Variants in DOCK1 observed in about 807,000 individuals in gnomAD.
The protein encoded by DOCK1 is dedicator of cytokinesis protein 1.
In DOCK1, 138 loss-of-function variants were observed where a neutral mutation model predicts 262.7. The ratio of observed to expected loss-of-function variants is 0.53; its 90% CI spans 0.46 to 0.61. The LOEUF (loss-of-function observed/expected upper bound fraction) is 0.61, where lower values mean the gene tolerates loss of function less well. Ranked by LOEUF, DOCK1 falls within the 20% of genes least tolerant of loss-of-function variation. DOCK1 has a pLI of 0.00. For missense variants in DOCK1, 1,908 were observed against 2,370.7 expected, an observed-to-expected ratio of 0.80 and a Z score of 4.05; for synonymous variants, 866 against 867.4, an observed-to-expected ratio of 1.00 and a Z score of 0.03.
At chr10:127,317,307 TACA>T (rs1276059966) in intron 29 of DOCK1, among the ~76,000 whole-genome samples, 1 of 152,252 alleles carries the variant, frequency 6.6e-6, no homozygotes, top group Non-Finnish European at 1.5e-5. Flanking sequence ...CTTAGTTCAC[TACA>T]ACATTTTACC....
chr10:126,926,691 A>C (rs2033752442), intron 1 of DOCK1, among the ~76,000 whole-genome samples: 1 of 152,158 alleles, frequency 6.6e-6, no homozygotes, highest in Admixed American at 6.5e-5. Flanking sequence ...CCTTGTTAAG[A>C]AGAGGAGGGA....
At chr10:127,386,449 C>T (rs7083036) in intron 38 of DOCK1, among the ~76,000 whole-genome samples, 114,425 of 151,540 alleles carry the variant, frequency 0.76, 43,407 homozygotes, top group African/African-American at 0.84. Flanking sequence ...CCCCATCGCC[C>T]GCATTACCAC....
chr10:126,934,925 A>G (rs2034464831), intron 1 of DOCK1, among the ~76,000 whole-genome samples: 1 of 152,066 alleles, frequency 6.6e-6, no homozygotes. Context: ...CCTGGCTAAC[A>G]CGGTGAAACC....
At chr10:126,968,997 A>T (rs756747725) in intron 1 of DOCK1, among the ~76,000 whole-genome samples, 1 of 152,210 alleles carries the variant, frequency 6.6e-6, no homozygotes, top group Non-Finnish European at 1.5e-5. Flanking sequence ...TTTTGTGCAC[A>T]TGTGGCAATG....
intron 1 of DOCK1, among the ~76,000 whole-genome samples, chr10:126,949,163 C>G (rs981944480): frequency 6.6e-6 from 1 of 152,038 alleles, no homozygotes; most frequent in African/African-American, 2.4e-5. Context: ...GTTTGCTGAT[C>G]CATCTCCATT....
At chr10:127,201,336 G>A (rs752597513) in intron 27 of DOCK1, among the ~76,000 whole-genome samples, 40 of 152,314 alleles carry the variant, frequency 2.6e-4, no homozygotes, top group Admixed American at 1.0e-3. Flanking sequence ...CAGCCGAGCC[G>A]TGTTTCCTTC....
chr10:127,304,209 C>T (rs569356779), intron 29 of DOCK1, among the ~76,000 whole-genome samples: 3 of 152,108 alleles, frequency 2.0e-5, no homozygotes, highest in South Asian at 2.1e-4. Flanking sequence ...GCTGAGGCTG[C>T]GGAGCAGTCG....
intron 11 of DOCK1, among the ~76,000 whole-genome samples, chr10:127,011,234 G>A (rs1401254424): frequency 6.6e-6 from 1 of 152,194 alleles, no homozygotes; most frequent in African/African-American, 2.4e-5. Context: ...AGCAAAATAA[G>A]CAGTGAAACC....
At chr10:127,212,819 A>G (rs1405099503) in intron 27 of DOCK1, among the ~76,000 whole-genome samples, 1 of 152,064 alleles carries the variant, frequency 6.6e-6, no homozygotes, top group African/African-American at 2.4e-5. Flanking sequence ...CCAAAAAAAA[A>G]AAAAAAAGGA....
At chr10:127,273,073 C>T (rs1190951029) in intron 29 of DOCK1, among the ~76,000 whole-genome samples, 3 of 152,168 alleles carry the variant, frequency 2.0e-5, no homozygotes, top group Non-Finnish European at 4.4e-5. Flanking sequence ...AACCACCTTT[C>T]CTCTTCTGTT....
intron 1 of DOCK1, among the ~76,000 whole-genome samples, chr10:126,947,067 G>T (rs2035473465): frequency 6.6e-6 from 1 of 152,230 alleles, no homozygotes; most frequent in Non-Finnish European, 1.5e-5. Flanking sequence ...GCAGCAGCAT[G>T]CCCTCCTTCC....
chr10:127,322,940 A>G (rs977731579), intron 29 of DOCK1, among the ~76,000 whole-genome samples: 5 of 152,256 alleles, frequency 3.3e-5, no homozygotes, highest in Non-Finnish European at 7.3e-5. Context: ...ATAATCAATA[A>G]TCAATCACTC....
intron 38 of DOCK1, among the ~76,000 whole-genome samples, chr10:127,394,839 G>T (rs61870328): frequency 6.6e-6 from 1 of 151,996 alleles, no homozygotes; most frequent in South Asian, 2.1e-4. Context: ...ACCTCGAGGC[G>T]ATTCTAGCAT....
rs541565727 is a variant in DOCK1 at position 127,391,816 on chromosome 10, C to T, written c.3927+6907C>T. The stretch of plus-strand genomic sequence containing the variant: ...TCCCTACCCACTCTCCTCCCCAAGG[C>T]CCCATGCCTGTCTCCACCCTTCCGC... On this transcript the variant is annotated intron_variant, in intron 38 of 51. Coordinates refer to ENST00000623213, the MANE Select transcript of DOCK1 (RefSeq NM_001290223.2). Among the ~76,000 whole-genome samples the T allele has an allele frequency of 3.9e-5, 6 of 152,216 alleles. No homozygotes were observed. The South Asian group carries it at 1.2e-3, about 32-fold the overall frequency.
chr10:127,154,057 C>G (rs1291495282), intron 27 of DOCK1: 2 of 654,724 alleles, frequency 3.1e-6, no homozygotes, highest in African/African-American at 3.6e-5. Flanking sequence ...ATGCATGCTT[C>G]CCAGTTTGCT....
chr10:127,165,140 C>T (rs1295169862), intron 27 of DOCK1, among the ~76,000 whole-genome samples: 2 of 152,174 alleles, frequency 1.3e-5, no homozygotes, highest in Non-Finnish European at 2.9e-5. Flanking sequence ...CACAGAGGTT[C>T]GAATTTGAAA....
chr10:127,151,824 C>T lies in DOCK1; in HGVS notation c.2847+24060C>T, dbSNP rs118035919. 3.3e-3 allele frequency among the ~76,000 whole-genome samples: 509 copies of T among 152,204 alleles called. 2 individuals carry two copies. Among genetic ancestry groups the T allele is most frequent in the Non-Finnish European group, 5.6e-3 (384 of 68,008 alleles). ...CAAGTGGACCAGTGGCTGATGTATT[C>T]GGATTCATGTAGAGTGATGTTTGAG... On this transcript the variant is annotated intron_variant, in intron 27 of 51. Transcript: ENST00000623213.
intron 7 of DOCK1, among the ~76,000 whole-genome samples, chr10:126,997,528 C>T (rs572296567): frequency 3.0e-4 from 45 of 152,060 alleles, no homozygotes; most frequent in African/African-American, 8.9e-4. Flanking sequence ...CACTTTTAAA[C>T]GACGAGATCT....
chr10:127,337,647 T>G (rs61870291), intron 29 of DOCK1, among the ~76,000 whole-genome samples: 4,661 of 152,342 alleles, frequency 0.031, 89 homozygotes, highest in Non-Finnish European at 0.043. Flanking sequence ...CCTCCATTAA[T>G]AGTCACTTAG....
Sources: gnomAD v4.1 joint callset for allele counts (sites outside exome capture counted in the v4.1 genomes callset) on GRCh38, gnomAD v4.1.1 for gene constraint, MANE v1.5 for transcripts, NCBI Gene and HGNC (gene_info 2026-07-23, HGNC 2026-07-21) for gene names.